The following USF2 variants were observed in gnomAD, a reference collection of about 807,000 sequenced individuals.
USF2 encodes upstream stimulatory factor 2.
A neutral mutation model predicts 46.9 loss-of-function variants in USF2; 16 were observed. The observed-to-expected ratio is 0.34, with a 90% confidence interval of 0.23 to 0.52. The LOEUF is 0.52. Ranked by LOEUF, USF2 falls within the 20% of genes least tolerant of loss-of-function variation. The pLI is 0.96. For missense variants in USF2, 411 were observed against 474.0 expected (o/e 0.87, Z 1.23); for synonymous variants, 239 against 194.1 (o/e 1.23, Z -1.92).
intron 7 of USF2, among the ~76,000 whole-genome samples, chr19:35,272,504 A>G (rs1329455516): frequency 6.6e-6 from 1 of 152,174 alleles, no homozygotes; most frequent in African/African-American, 2.4e-5. Flanking sequence ...GTGTGTCTGC[A>G]GAAGAGCAGA....
In USF2 at chr19:35,269,289, G is replaced by A. The variant is rs944013287; in HGVS notation, c.62+126G>A. ...GGCTCAAAATGGAGGCCGCCGGCGC[G>A]GGGGGGACCTGGCGCCTCCCGCCCC... On this transcript the variant is annotated intron_variant, in intron 1 of 9. Transcript: ENST00000222305. 2.8e-4 allele frequency: 242 copies of A among 876,410 alleles called. No individual in the cohort carries two copies. The African/African-American group carries it at 4.3e-3, about 16-fold the overall frequency. The allele number at this position is 876,410 out of a possible 1,614,324, so 54.3% of individuals were successfully genotyped here.
chr19:35,272,432 G>C (rs139536010), intron 7 of USF2, among the ~76,000 whole-genome samples: 1 of 152,088 alleles, frequency 6.6e-6, no homozygotes, highest in African/African-American at 2.4e-5. Context: ...AGAACCTCAG[G>C]AGAGTCCCGG....
In USF2 at chr19:35,270,494, G is replaced by A. The variant is rs1315591614; in HGVS notation, c.477G>A (p.Glu159=). The change falls in exon 5 of 10, where the codon GAG becomes GAA. Residue 159 remains glutamate (E), a synonymous_variant. Coordinates refer to ENST00000222305, the MANE Select transcript of USF2 (RefSeq NM_003367.4). ...GCAATGGTGGCAGTCCGGCGGCCGA[G>A]GCTGTCAGCGGGGAGGCACGATTTG... The part of the protein sequence containing the change: ...PFSNGGSPAA[E]AVSGEARFAY... 2.5e-6 allele frequency: 4 copies of A among 1,614,144 alleles called. No homozygotes were observed. The highest frequency in any genetic ancestry group is 8.5e-7 in the Non-Finnish European group (1 of 1,180,026).
chr19:35,270,068 T>C, intron 4 of USF2, 65 bp downstream of exon 4: 1 of 1,340,932 alleles, frequency 7.5e-7, no homozygotes, highest in Non-Finnish European at 9.5e-7. Flanking sequence ...GGCTCTGCTC[T>C]TGGGGAGCCC....
chr19:35,275,099 C>T (rs565757001), intron 7 of USF2: 1 of 152,300 alleles, frequency 6.6e-6, no homozygotes, highest in South Asian at 2.1e-4. Context: ...CTCGCTCTGT[C>T]ACAGTGGCGC....
intron 7 of USF2, chr19:35,278,363 A>G (rs938889726): frequency 1.1e-5 from 3 of 268,552 alleles, no homozygotes; most frequent in South Asian, 9.3e-5. Context: ...AGTGATGCCA[A>G]TTACCATGAG....
Position 35,269,443 on chromosome 19 carries a change from C to T in USF2, c.63-3C>T, listed in dbSNP as rs754165626. The stretch of plus-strand genomic sequence containing the variant: ...ACCCTGCTCCCTCCTGTGCCCCTGG[C>T]AGCCACGACAAGGGACCCGAGGCGG... On this transcript the variant is annotated splice_polypyrimidine_tract_variant and splice_region_variant and intron_variant, in intron 1 of 9. Transcript: ENST00000222305. 8.5e-6 allele frequency: 13 copies of T among 1,528,768 alleles called. No homozygotes were observed. The East Asian group carries it at 3.1e-4, about 36-fold the overall frequency. 94.7% of individuals were successfully genotyped at this position (1,528,768 alleles called of 1,614,324 possible). A position where few individuals can be genotyped will look rare whatever the true frequency, so the allele number is the denominator to read the frequency against.
chr19:35,270,953 G>C, intron 6 of USF2, 130 bp from the exon 7 acceptor site: 1 of 1,427,422 alleles, frequency 7.0e-7, no homozygotes, highest in Non-Finnish European at 9.8e-7. Flanking sequence ...TGCACATAAA[G>C]TATCATGTCT....
At chr19:35,271,233 C>T (rs2066152068) in intron 7 of USF2, 92 bp downstream of exon 7, 1 of 1,514,672 alleles carries the variant, frequency 6.6e-7, no homozygotes, top group African/African-American at 1.4e-5. Context: ...AGAGAAGCCA[C>T]TCCTGGGCAG....
chr19:35,277,735 A>G (rs931082156), intron 7 of USF2: 1 of 152,324 alleles, frequency 6.6e-6, no homozygotes, highest in African/African-American at 2.4e-5. Flanking sequence ...TCCGTGGGGT[A>G]GGAGTTGGGG....
At chr19:35,275,170 C>T (rs2066215280) in intron 7 of USF2, 1 of 152,198 alleles carries the variant, frequency 6.6e-6, no homozygotes, top group Non-Finnish European at 1.5e-5. Context: ...CCTCAGTCTC[C>T]CAAGTAGCTG....
chr19:35,278,947 G>C lies in USF2; in HGVS notation c.824G>C (p.Ser275Thr). 1 of 1,555,940 alleles carries C rather than the reference G, an allele frequency of 6.4e-7. No homozygotes were observed. Among genetic ancestry groups the C allele is most frequent in the Non-Finnish European group, 8.7e-7 (1 of 1,150,904 alleles). ...GCTCCTGGTCCCCTCGCCCCCCAGA[G>C]TAAAGGAGGGATCCTGTCCAAGGCC... ...CNADNSKTGA[S>T]KGGILSKACD... is the part of the protein sequence containing the mutation. The change falls in exon 9 of 10, where the codon AGT becomes ACT. Residue 275 changes from serine (S) to threonine (T), a missense_variant and splice_region_variant. Physicochemically the swap from Ser to Thr is moderately conservative, Grantham distance 58 (BLOSUM62 1). Around this residue, in one of 2 missense-constraint regions of USF2, gnomAD observed 93 missense variants for 151.6 expected, o/e 0.61. Transcript: ENST00000222305.
chr19:35,269,193 CGCCCCG>C (rs749270619), intron 1 of USF2, 30 bp downstream of exon 1: 106 of 987,360 alleles, frequency 1.1e-4, no homozygotes, highest in South Asian at 3.5e-4. Flanking sequence ...CGTGCCCCCG[CGCCCCG>C]GCCCCGGCCC....
chr19:35,269,756 C>A (rs913216206), intron 3 of USF2, 47 bp from the exon 4 acceptor site: 3 of 1,478,234 alleles, frequency 2.0e-6, no homozygotes, highest in South Asian at 2.7e-5. Flanking sequence ...CGGGAAGGCT[C>A]GGACCTGGCC....
intron 7 of USF2, among the ~76,000 whole-genome samples, chr19:35,276,352 C>A (rs1236551170): frequency 6.6e-6 from 1 of 152,146 alleles, no homozygotes; most frequent in East Asian, 1.9e-4. Context: ...CGTGAGCCAC[C>A]CCACCCAGCT....
Position 35,269,145 on chromosome 19 carries a change from C to T in USF2, c.44C>T (p.Thr15Ile). The change falls in exon 1 of 10, where the codon ACC becomes ATC. Residue 15 changes from threonine to isoleucine, a missense_variant. Thr to Ile is a moderately conservative substitution (Grantham distance 89). This residue lies in a region of USF2 where 318 missense variants were observed against 322.4 expected (regional missense o/e 0.99). Transcript: ENST00000222305. ...GGTCTGGATCCCGCTGCCTCGGCCA[C>T]CGCTGCTGCCGCCGCCAGGTAAGAT... ...DPGLDPAASA[T>I]AAAAASHDKG... is the part of the protein sequence containing the mutation. 1 of 1,014,326 alleles carries T rather than the reference C, an allele frequency of 9.9e-7. No individual in the cohort carries two copies. Among genetic ancestry groups the T allele is most frequent in the Non-Finnish European group, 1.2e-6 (1 of 842,666 alleles). 62.8% of individuals were successfully genotyped at this position (1,014,326 alleles called of 1,614,324 possible). A position where few individuals can be genotyped will look rare whatever the true frequency, so the allele number is the denominator to read the frequency against.
At chr19:35,270,123 T>G in intron 4 of USF2, 120 bp downstream of exon 4, 2 of 1,152,518 alleles carry the variant, frequency 1.7e-6, no homozygotes, top group Non-Finnish European at 2.3e-6. Flanking sequence ...CCTTCAGGCC[T>G]CAGGCTGCAT....
chr19:35,269,136 C>T lies in USF2; in HGVS notation c.35C>T (p.Ala12Val). ...CTGGACCCGGGTCTGGATCCCGCTG[C>T]CTCGGCCACCGCTGCTGCCGCCGCC... The part of the protein sequence containing the change: ...DMLDPGLDPA[A>V]SATAAAAASH... Residue 12 changes from alanine (A) to valine (V), a missense_variant, in exon 1 of 10, where the codon GCC (alanine) becomes GTC (valine). Coordinates refer to ENST00000222305, the MANE Select transcript of USF2 (RefSeq NM_003367.4). 1 of 943,970 alleles carries T rather than the reference C, an allele frequency of 1.1e-6. No individual in the cohort carries two copies. The highest frequency in any genetic ancestry group is 1.3e-6 in the Non-Finnish European group (1 of 781,060). The allele number at this position is 943,970 out of a possible 1,614,324, so 58.5% of individuals were successfully genotyped here.
chr19:35,273,970 TTTC>T (rs1192863586), intron 7 of USF2, among the ~76,000 whole-genome samples: 1 of 152,202 alleles, frequency 6.6e-6, no homozygotes, highest in Non-Finnish European at 1.5e-5. Flanking sequence ...GTTCCTCTTT[TTTC>T]TTTGCTGCAG....
Sources: gnomAD v4.1 joint callset for allele counts (sites outside exome capture counted in the v4.1 genomes callset) on GRCh38, gnomAD v4.1.1 for gene constraint, gnomAD v4.1.1 regional missense constraint, MANE v1.5 for transcripts, NCBI Gene and HGNC (gene_info 2026-07-23, HGNC 2026-07-21) for gene names.